The following CHKA variants were observed in gnomAD, a reference collection of about 807,000 sequenced individuals.
CHKA encodes the protein CHETK-alpha.
In CHKA, 34 loss-of-function variants were observed where a neutral mutation model predicts 60.1. The ratio of observed to expected loss-of-function variants is 0.57; its 90% CI spans 0.43 to 0.75. CHKA has a LOEUF of 0.75. Ranked by LOEUF, CHKA falls within the 30% of genes least tolerant of loss-of-function variation. The pLI is 0.00. For missense variants in CHKA, 563 were observed against 561.3 expected, an observed-to-expected ratio of 1.00 and a Z score of -0.03; for synonymous variants, 217 against 223.1, an observed-to-expected ratio of 0.97 and a Z score of 0.24.
At chr11:68,058,016 C>T (rs566367526) in intron 11 of CHKA, among the ~76,000 whole-genome samples, 147 of 152,112 alleles carry the variant, frequency 9.7e-4, no homozygotes, top group African/African-American at 3.4e-3. Context: ...CAGCCTCCCG[C>T]GCAGCTGGGA....
intron 2 of CHKA, among the ~76,000 whole-genome samples, chr11:68,093,427 G>A (rs1419552208): frequency 6.6e-6 from 1 of 152,066 alleles, no homozygotes; most frequent in East Asian, 1.9e-4. Flanking sequence ...GCTAAATGTA[G>A]GGTACCTCCT....
intron 11 of CHKA, among the ~76,000 whole-genome samples, chr11:68,056,125 T>C (rs1226558647): frequency 2.0e-5 from 3 of 152,238 alleles, no homozygotes; most frequent in Non-Finnish European, 4.4e-5. Context: ...ATATGAGTCC[T>C]TTATTAAATA....
chr11:68,080,221 C>T (rs1303234269), intron 3 of CHKA, among the ~76,000 whole-genome samples: 2 of 152,216 alleles, frequency 1.3e-5, no homozygotes, highest in African/African-American at 4.8e-5. Context: ...AGCACAAGTT[C>T]TAGATCCTCT....
intron 2 of CHKA, chr11:68,081,914 A>G (rs1857000556): frequency 6.5e-6 from 1 of 153,830 alleles, no homozygotes; most frequent in African/African-American, 2.4e-5. Context: ...TTGGACAGAG[A>G]AGAAAGCGCT....
At position 68,062,354 on chromosome 11, in the gene CHKA, A is replaced by G. The variant is rs148357568; in HGVS notation, c.1233-320T>C. 3.3e-5 allele frequency among the ~76,000 whole-genome samples: 5 copies of G among 152,366 alleles called. No homozygotes were observed. In the East Asian group the frequency reaches 9.6e-4, roughly 29 times the overall value. ...TATTCACATTCACAGGGTGCAGGTG[A>G]AGGCCTGGGTGGCCATGCTGGCAGA... On this transcript the variant is annotated intron_variant, in intron 10 of 11. Transcript: ENST00000265689.
chr11:68,084,082 T>G (rs1857076085), intron 2 of CHKA, among the ~76,000 whole-genome samples: 1 of 150,978 alleles, frequency 6.6e-6, no homozygotes, highest in Non-Finnish European at 1.5e-5. Flanking sequence ...CCAACTCTAC[T>G]AAAAATACAA....
At chr11:68,094,275 T>C (rs4337046) in intron 2 of CHKA, among the ~76,000 whole-genome samples, 140,528 of 152,318 alleles carry the variant, frequency 0.92, 65,001 homozygotes, top group African/African-American at 0.98. Context: ...AGTGCAGTGG[T>C]TCATGCCTGT....
chr11:68,058,132 T>G (rs1025278892), intron 11 of CHKA, among the ~76,000 whole-genome samples: 1 of 152,188 alleles, frequency 6.6e-6, no homozygotes, highest in African/African-American at 2.4e-5. Context: ...GCTCTAGCGA[T>G]TCTCCTGCCT....
In CHKA at chr11:68,097,025, C is replaced by A; in HGVS notation, c.456G>T (p.Leu152Phe). The change falls in exon 2 of 12, where the codon TTG (leucine) becomes TTT (phenylalanine). Residue 152 changes from leucine (L) to phenylalanine (F), a missense_variant. By Grantham distance (22) the Leu-to-Phe change is conservative (BLOSUM62 0). Transcript: ENST00000265689. ...AAGTAGCCTACCAACTCACCATCTG[C>A]AAAATCGCTCCATACAGCCGCAGGA... Reference protein sequence around the residue: ...KVLLRLYGAILQMRSCNKEGS... With the variant: ...KVLLRLYGAIFQMRSCNKEGS... 1 of 1,610,694 alleles carries A rather than the reference C, an allele frequency of 6.2e-7. No homozygotes were observed. The highest frequency in any genetic ancestry group is 8.5e-7 in the Non-Finnish European group (1 of 1,178,212).
At chr11:68,081,348 G>A (rs953701031) in intron 3 of CHKA, 56 bp downstream of exon 3, 11 of 1,436,218 alleles carry the variant, frequency 7.7e-6, no homozygotes, top group Non-Finnish European at 9.8e-6. Context: ...GAGTAGCGAA[G>A]GGTGGCTAAC....
chr11:68,073,414 G>A (rs1170086301), intron 4 of CHKA, among the ~76,000 whole-genome samples: 3 of 152,112 alleles, frequency 2.0e-5, no homozygotes, highest in Non-Finnish European at 4.4e-5. Context: ...AGCACTTTGG[G>A]AGGCCAAGGC....
chr11:68,119,626 T>A (rs1858527383), intron 1 of CHKA, among the ~76,000 whole-genome samples: 1 of 152,086 alleles, frequency 6.6e-6, no homozygotes, highest in African/African-American at 2.4e-5. Context: ...TGCGCCACCA[T>A]GCCCAGCTAA....
In CHKA at chr11:68,097,159, C is replaced by A. The variant is rs747156380; in HGVS notation, c.351-29G>T. 10 of 1,554,500 alleles carry A rather than the reference C, an allele frequency of 6.4e-6. No homozygotes were observed. The Admixed American group carries it at 6.8e-5, about 11-fold the overall frequency. On this transcript the variant is annotated intron_variant, in intron 1 of 11. Coordinates refer to ENST00000265689, the MANE Select transcript of CHKA (RefSeq NM_001277.3). ...TCAGAAATAAGAGGACAGTAAGTAT[C>A]TTTATTGCAGGTGAGCTAAATCACT... is the stretch of plus-strand genomic sequence containing the variant.
intron 2 of CHKA, among the ~76,000 whole-genome samples, chr11:68,083,872 G>A (rs1857067057): frequency 6.6e-6 from 1 of 152,074 alleles, no homozygotes; most frequent in Admixed American, 6.5e-5. Flanking sequence ...AGAAGTGTAA[G>A]ACGAGGAAAT....
intron 1 of CHKA, among the ~76,000 whole-genome samples, chr11:68,117,405 C>T (rs1277952162): frequency 1.3e-5 from 2 of 152,216 alleles, no homozygotes; most frequent in Admixed American, 6.5e-5. Context: ...AAAGTTAGGC[C>T]GGGCAGGGTG....
At chr11:68,101,826 C>A (rs894877788) in intron 1 of CHKA, among the ~76,000 whole-genome samples, 1 of 152,002 alleles carries the variant, frequency 6.6e-6, no homozygotes, top group Non-Finnish European at 1.5e-5. Flanking sequence ...ACTGGCCAAG[C>A]GCGTGGCTGA....
chr11:68,090,257 T>C (rs1857306778), intron 2 of CHKA, among the ~76,000 whole-genome samples: 1 of 152,208 alleles, frequency 6.6e-6, no homozygotes, highest in Admixed American at 6.5e-5. Context: ...GTTTTACTTC[T>C]GAGAAGGAAG....
intron 1 of CHKA, among the ~76,000 whole-genome samples, chr11:68,113,569 G>A (rs747606350): frequency 1.3e-5 from 2 of 151,990 alleles, no homozygotes; most frequent in African/African-American, 4.8e-5. Context: ...GGTGGCAGGC[G>A]CCTGTAATCC....
Position 68,070,737 on chromosome 11 carries a change from C to T in CHKA, c.751G>A (p.Gly251Ser). The change falls in exon 5 of 12, where the codon GGC (glycine) becomes AGC (serine). Residue 251 changes from glycine (G) to serine (S), a missense_variant. Physicochemically the swap from Gly to Ser is moderately conservative, Grantham distance 56. Coordinates refer to ENST00000265689, the MANE Select transcript of CHKA (RefSeq NM_001277.3). The stretch of plus-strand genomic sequence containing the variant: ...TTGACCACTTACTTTTCCATTGTGC[C>T]AAAAAGCCATTTTGGTTCCTTATTG... ...PFNKEPKWLF[G>S]TMEKYLKEVL... 6.2e-7 allele frequency: 1 copy of T among 1,610,262 alleles called. No homozygotes were observed. The highest frequency in any genetic ancestry group is 8.5e-7 in the Non-Finnish European group (1 of 1,176,818).
Sources: allele counts gnomAD v4.1 joint callset (sites outside exome capture counted in the v4.1 genomes callset), GRCh38; gene constraint gnomAD v4.1.1; transcripts MANE v1.5; gene names NCBI Gene and HGNC (gene_info 2026-07-23, HGNC 2026-07-21).